The following BRINP3 variants were observed in gnomAD, a reference collection of about 807,000 sequenced individuals.
The protein encoded by BRINP3 is BMP/retinoic acid inducible neural specific 3.
In BRINP3, 19 loss-of-function variants were observed where a neutral mutation model predicts 71.0. The ratio of observed to expected loss-of-function variants is 0.27; its 90% confidence interval spans 0.19 to 0.39. The LOEUF (loss-of-function observed/expected upper bound fraction) is 0.39. Among genes scored for constraint, BRINP3 ranks in the 10% least tolerant of loss-of-function variants. The pLI, the probability that BRINP3 is intolerant of heterozygous loss-of-function variation, is 1.00. For missense variants in BRINP3, 959 were observed against 940.8 expected, an observed-to-expected ratio of 1.02 and a Z score of -0.25; for synonymous variants, 380 against 337.7, an observed-to-expected ratio of 1.13 and a Z score of -1.37.
chr1:190,394,594 C>T (rs1397079967), intron 2 of BRINP3, among the ~76,000 whole-genome samples: 2 of 151,234 alleles, frequency 1.3e-5, no homozygotes, highest in East Asian at 1.9e-4. Context: ...TATCACATAT[C>T]TATTACTAGA....
intron 2 of BRINP3, among the ~76,000 whole-genome samples, chr1:190,339,255 A>G (rs999082499): frequency 6.6e-5 from 10 of 152,102 alleles, no homozygotes; most frequent in African/African-American, 2.2e-4. Flanking sequence ...TGCACTGCAG[A>G]TAGCTCTAAA....
At chr1:190,415,123 C>A (rs1193701612) in intron 2 of BRINP3, among the ~76,000 whole-genome samples, 1 of 151,950 alleles carries the variant, frequency 6.6e-6, no homozygotes, top group Non-Finnish European at 1.5e-5. Flanking sequence ...TAAAGAGAAC[C>A]CTGCCTCCCA....
intron 2 of BRINP3, among the ~76,000 whole-genome samples, chr1:190,396,423 A>G (rs998152202): frequency 1.6e-4 from 24 of 151,210 alleles, no homozygotes; most frequent in Admixed American, 5.3e-4. Context: ...TCATCTTTTC[A>G]TTAAATCTTG....
intron 6 of BRINP3, among the ~76,000 whole-genome samples, chr1:190,185,210 T>C (rs540685718): frequency 1.3e-4 from 20 of 152,286 alleles, no homozygotes; most frequent in Non-Finnish European, 2.4e-4. Context: ...ATTTTATATC[T>C]GATAATGGGT....
chr1:190,276,071 C>A (rs1214689322), intron 3 of BRINP3, among the ~76,000 whole-genome samples: 1 of 151,366 alleles, frequency 6.6e-6, no homozygotes, highest in African/African-American at 2.4e-5. Flanking sequence ...CAGTCCTTTT[C>A]TCCCTTCAAT....
intron 7 of BRINP3, among the ~76,000 whole-genome samples, chr1:190,124,670 C>T (rs1278351819): frequency 6.6e-6 from 1 of 151,980 alleles, no homozygotes; most frequent in African/African-American, 2.4e-5. Context: ...GAACACAAAA[C>T]ATCATATGTA....
intron 7 of BRINP3, among the ~76,000 whole-genome samples, chr1:190,133,618 G>A (rs546694231): frequency 7.9e-5 from 12 of 152,142 alleles, no homozygotes; most frequent in South Asian, 4.1e-4. Context: ...AGGCAGATAA[G>A]AATGGATGCA....
At chr1:190,140,821 T>C (rs1400602147) in intron 7 of BRINP3, among the ~76,000 whole-genome samples, 4 of 152,154 alleles carry the variant, frequency 2.6e-5, no homozygotes, top group Admixed American at 2.0e-4. Context: ...TGTAAAGCTA[T>C]TCATGCCAGC....
At chr1:190,335,612 C>T (rs1051138765) in intron 2 of BRINP3, among the ~76,000 whole-genome samples, 7 of 151,594 alleles carry the variant, frequency 4.6e-5, no homozygotes, top group Non-Finnish European at 8.8e-5. Flanking sequence ...AATGGATGTT[C>T]AGACATTTTA....
intron 2 of BRINP3, among the ~76,000 whole-genome samples, chr1:190,315,841 T>A (rs941431310): frequency 6.6e-6 from 1 of 152,112 alleles, no homozygotes; most frequent in Non-Finnish European, 1.5e-5. Flanking sequence ...TTACAGAAAT[T>A]GCAAACTCAT....
chr1:190,196,252 C>T (rs142058551), intron 6 of BRINP3, among the ~76,000 whole-genome samples: 1 of 152,118 alleles, frequency 6.6e-6, no homozygotes, highest in African/African-American at 2.4e-5. Flanking sequence ...ACCAATAGCA[C>T]CCTGCCTTCT....
Position 190,226,269 on chromosome 1 carries a change from T to C in BRINP3, c.774A>G (p.Ala258=), listed in dbSNP as rs200602238. ...AATTGCAAGCAATGTAGCTCAAAGCTGCTTGTACAAAACGTTCCTGAAGAT... is the reference window on the plus strand; with the variant it reads ...AATTGCAAGCAATGTAGCTCAAAGCCGCTTGTACAAAACGTTCCTGAAGAT... ...PDYLQERFVQ[A]ALSYIACNSE... The change falls in exon 6 of 8, where the codon GCA becomes GCG. Residue 258 remains alanine, a synonymous_variant. Coordinates refer to ENST00000367462, the MANE Select transcript of BRINP3 (RefSeq NM_199051.3). The C allele has an allele frequency of 1.2e-6, 2 of 1,610,958 alleles. No individual in the cohort carries two copies. Among genetic ancestry groups the C allele is most frequent in the Non-Finnish European group, 1.7e-6 (2 of 1,178,320 alleles).
At chr1:190,372,915 T>A (rs1669953687) in intron 2 of BRINP3, among the ~76,000 whole-genome samples, 1 of 152,118 alleles carries the variant, frequency 6.6e-6, no homozygotes, top group Non-Finnish European at 1.5e-5. Flanking sequence ...AATAAAATAT[T>A]AGAGAATAAA....
chr1:190,301,924 T>C (rs2103000127), intron 2 of BRINP3, among the ~76,000 whole-genome samples: 1 of 152,042 alleles, frequency 6.6e-6, no homozygotes, highest in Non-Finnish European at 1.5e-5. Flanking sequence ...TATATGTCTA[T>C]AGTTCCCTAT....
chr1:190,185,041 T>G (rs1653388918), intron 6 of BRINP3, among the ~76,000 whole-genome samples: 1 of 152,140 alleles, frequency 6.6e-6, no homozygotes, highest in Non-Finnish European at 1.5e-5. Flanking sequence ...ACATTTGCCT[T>G]GCCAATTATT....
At chr1:190,124,419 T>C (rs1571767246) in intron 7 of BRINP3, among the ~76,000 whole-genome samples, 1 of 152,104 alleles carries the variant, frequency 6.6e-6, no homozygotes, top group Non-Finnish European at 1.5e-5. Flanking sequence ...CAAAACAGAC[T>C]AAGACAACTT....
chr1:190,434,118 T>A (rs184085781), intron 2 of BRINP3, among the ~76,000 whole-genome samples: 11 of 151,948 alleles, frequency 7.2e-5, no homozygotes, highest in South Asian at 6.2e-4. Context: ...TTATTTATTT[T>A]TATTTATTTA....
chr1:190,389,030 A>G (rs1671083801), intron 2 of BRINP3, among the ~76,000 whole-genome samples: 1 of 151,804 alleles, frequency 6.6e-6, no homozygotes, highest in Non-Finnish European at 1.5e-5. Context: ...GAATAAAGGT[A>G]AAGTATGAAG....
intron 7 of BRINP3, among the ~76,000 whole-genome samples, chr1:190,123,904 T>C (rs1653879816): frequency 6.6e-6 from 1 of 152,148 alleles, no homozygotes; most frequent in South Asian, 2.1e-4. Flanking sequence ...TTTAGATAGT[T>C]GCATCAAACT....
Sources: gnomAD v4.1 joint callset for allele counts (sites outside exome capture counted in the v4.1 genomes callset) on GRCh38, gnomAD v4.1.1 for gene constraint, MANE v1.5 for transcripts, NCBI Gene and HGNC (gene_info 2026-07-23, HGNC 2026-07-21) for gene names.